Variants in TKT observed in about 807,000 individuals in gnomAD.
The protein encoded by TKT is epididymis luminal protein 107.
A neutral mutation model predicts 63.9 loss-of-function variants in TKT; 47 were observed. The ratio of observed to expected loss-of-function variants is 0.74; its 90% CI spans 0.58 to 0.94. The LOEUF is 0.94. Among genes scored for constraint, TKT ranks in the 40% least tolerant of loss-of-function variants. The pLI is 0.00. For missense variants in TKT, 721 were observed against 846.2 expected, an observed-to-expected ratio of 0.85 and a Z score of 1.84; for synonymous variants, 338 against 334.1, an observed-to-expected ratio of 1.01 and a Z score of -0.13.
intron 12 of TKT, chr3:53,227,173 AAAGGG>A (rs1704536320): frequency 3.2e-6 from 1 of 310,924 alleles, no homozygotes; most frequent in Non-Finnish European, 6.0e-6. Context: ...CCTTGAAGAC[AAAGGG>A]AATGCGAGAG....
At chr3:53,231,778 G>C (rs1010550732) in intron 6 of TKT, 3 of 547,508 alleles carry the variant, frequency 5.5e-6, no homozygotes, top group Non-Finnish European at 3.2e-6. Context: ...CTGGTCCTTT[G>C]GGAGCTCACA....
At chr3:53,255,789 CCCCCGCCCCGCCCGAGCCGCGT>C (rs1462621989) in intron 1 of TKT, 25 bp downstream of exon 1, 1 of 1,324,906 alleles carries the variant, frequency 7.5e-7, no homozygotes, top group Admixed American at 3.4e-5. Flanking sequence ...CCGCAGACGC[CCCCCGCCCCGCCCGAGCCGCGT>C]CCCCGGCCGG....
At chr3:53,230,668 T>A (rs782547998) in intron 7 of TKT, 47 bp from the exon 8 acceptor site, 9 of 1,605,840 alleles carry the variant, frequency 5.6e-6, no homozygotes, top group Non-Finnish European at 7.7e-6. Context: ...TGAGGGTGAG[T>A]GCACACCTGC....
Position 53,241,183 on chromosome 3 carries a change from C to T in TKT, c.288G>A (p.Glu96=), listed in dbSNP as rs539460903. ...WAEAGFLAEA[E]LLNLRKISSD... ...AGCTGATCTTCCTCAGGTTCAGCAG[C>T]TCCGCCTCGGCCAGGAAACCAGCTT... is the stretch of plus-strand genomic sequence containing the variant. Residue 96 remains glutamate (E), a synonymous_variant, in exon 3 of 14, where the codon GAG becomes GAA. Coordinates refer to ENST00000462138, the MANE Select transcript of TKT (RefSeq NM_001064.4). The T allele has an allele frequency of 9.1e-5, 146 of 1,597,650 alleles. No individual in the cohort carries two copies. Among genetic ancestry groups the T allele is most frequent in the Non-Finnish European group, 1.2e-4 (139 of 1,173,940 alleles).
Position 53,241,239 on chromosome 3 carries a change from C to T in TKT, c.232G>A (p.Ala78Thr). The T allele has an allele frequency of 6.2e-7, 1 of 1,600,152 alleles. No individual in the cohort carries two copies. Among genetic ancestry groups the T allele is most frequent in the Non-Finnish European group, 8.5e-7 (1 of 1,175,346 alleles). Residue 78 changes from alanine (A) to threonine (T), a missense_variant, in exon 3 of 14, where the codon GCA becomes ACA. Ala to Thr is a moderately conservative substitution (Grantham distance 58, BLOSUM62 0). Coordinates refer to ENST00000462138, the MANE Select transcript of TKT (RefSeq NM_001064.4). ...NDRFVLSKGH[A>T]APILYAVWAE... ...CAGACCGCGTAGAGGATGGGAGCTG[C>T]ATGGCCCTGCCGGGAGATGGATGGT...
chr3:53,232,952 G>A (rs907411884), intron 6 of TKT: 9 of 548,078 alleles, frequency 1.6e-5, no homozygotes, highest in Admixed American at 7.0e-5. Flanking sequence ...TGCCCCCACC[G>A]GCAGAGGCCA....
chr3:53,252,158 A>T (rs1390602505), intron 1 of TKT, among the ~76,000 whole-genome samples: 1 of 152,150 alleles, frequency 6.6e-6, no homozygotes, highest in Non-Finnish European at 1.5e-5. Context: ...AAAGAACTGG[A>T]TCAAAGTCCT....
intron 8 of TKT, 114 bp downstream of exon 8, chr3:53,230,343 T>C: frequency 2.2e-6 from 3 of 1,375,712 alleles, no homozygotes; most frequent in Admixed American, 1.9e-5. Flanking sequence ...TCTTATAGTC[T>C]CCCTGGGCTG....
intron 6 of TKT, chr3:53,232,927 C>T (rs898208882): frequency 6.7e-5 from 35 of 521,802 alleles, no homozygotes; most frequent in Non-Finnish European, 1.1e-4. Flanking sequence ...TCCCTCCTCT[C>T]CTCCTGCCTG....
At chr3:53,251,075 G>A (rs1183617356) in intron 1 of TKT, among the ~76,000 whole-genome samples, 2 of 152,156 alleles carry the variant, frequency 1.3e-5, no homozygotes, top group East Asian at 1.9e-4. Context: ...CTGGCCGGAA[G>A]GGCCTTTCTG....
chr3:53,244,277 G>C (rs1316976313), intron 1 of TKT, among the ~76,000 whole-genome samples: 2 of 152,232 alleles, frequency 1.3e-5, no homozygotes, highest in African/African-American at 4.8e-5. Context: ...CTTCCCCAGA[G>C]CTTTTGGGGC....
intron 4 of TKT, among the ~76,000 whole-genome samples, chr3:53,236,482 C>T (rs1374692341): frequency 1.3e-5 from 2 of 152,198 alleles, no homozygotes; most frequent in African/African-American, 4.8e-5. Context: ...GACAAAGCCT[C>T]AGGCCCACAC....
intron 4 of TKT, among the ~76,000 whole-genome samples, chr3:53,238,804 G>A (rs1282953298): frequency 5.3e-5 from 8 of 152,196 alleles, no homozygotes; most frequent in Non-Finnish European, 7.3e-5. Context: ...TGTAAGACGG[G>A]TCACGGTTCT....
intron 13 of TKT, 62 bp downstream of exon 13, chr3:53,226,693 CG>C: frequency 1.9e-6 from 3 of 1,609,946 alleles, no homozygotes; most frequent in Non-Finnish European, 2.5e-6. Context: ...AGAAGAGGCA[CG>C]TCCAACGCTC....
At chr3:53,230,144 A>G (rs6782597) in intron 8 of TKT, among the ~76,000 whole-genome samples, 84,528 of 152,010 alleles carry the variant, frequency 0.56, 24,667 homozygotes, top group South Asian at 0.84. Flanking sequence ...CCTACTGGCC[A>G]GGCCTGTCCT....
intron 12 of TKT, chr3:53,227,267 TCAGAGGCCCACGTGCGGCCCCAGCAG>T (rs61091554): frequency 0.38 from 63,865 of 168,216 alleles, 13,015 homozygotes; most frequent in East Asian, 0.56. Flanking sequence ...CGCAGAGTGA[TCAGAGGCCCACGTGCGGCCCCAGCAG>T]CAGAGGCACC....
At chr3:53,228,175 A>AG in intron 11 of TKT, 26 bp from the exon 12 acceptor site, 1 of 1,613,838 alleles carries the variant, frequency 6.2e-7, no homozygotes, top group Non-Finnish European at 8.5e-7. Context: ...AGGGTGAGTA[A>AG]GGCTCAGGGC....
chr3:53,238,460 C>G (rs190946915), intron 4 of TKT, among the ~76,000 whole-genome samples: 5 of 152,358 alleles, frequency 3.3e-5, no homozygotes, highest in Admixed American at 3.3e-4. Flanking sequence ...GACTGTGAGG[C>G]CTCCTTGGAG....
intron 2 of TKT, 34 bp from the exon 3 acceptor site, chr3:53,241,279 TG>T: frequency 6.4e-7 from 1 of 1,571,678 alleles, no homozygotes; most frequent in Non-Finnish European, 8.6e-7. Context: ...TGAGGTCAGG[TG>T]GGGAGCGGTT....
Sources: gnomAD v4.1 joint callset for allele counts (sites outside exome capture counted in the v4.1 genomes callset) on GRCh38, gnomAD v4.1.1 for gene constraint, MANE v1.5 for transcripts, NCBI Gene and HGNC (gene_info 2026-07-23, HGNC 2026-07-21) for gene names.